The following DLG2 variants were observed in gnomAD, a reference collection of about 807,000 sequenced individuals.
The protein encoded by DLG2 is disks large homolog 2.
DLG2 carries 45 observed loss-of-function variants against 132.5 expected under a neutral mutation model. The ratio of observed to expected loss-of-function variants is 0.34; its 90% CI spans 0.27 to 0.44. The LOEUF is 0.44. Among genes scored for constraint, DLG2 ranks in the 20% least tolerant of loss-of-function variants. DLG2 has a pLI of 1.00. For missense variants in DLG2, 1,045 were observed against 1,196.9 expected (o/e 0.87, Z 1.87); for synonymous variants, 424 against 419.6 (o/e 1.01, Z -0.13).
At chr11:83,794,682 G>A (rs2042367216) in intron 17 of DLG2, among the ~76,000 whole-genome samples, 1 of 152,008 alleles carries the variant, frequency 6.6e-6, no homozygotes, top group African/African-American at 2.4e-5. Context: ...ATCCTCAGGA[G>A]GGTGGGATTA....
At chr11:85,582,979 T>C (rs1010531576) in intron 3 of DLG2, among the ~76,000 whole-genome samples, 1 of 146,846 alleles carries the variant, frequency 6.8e-6, no homozygotes, top group Non-Finnish European at 1.5e-5. Context: ...TGTGAAGGCT[T>C]ATTGTTTTGA....
intron 21 of DLG2, among the ~76,000 whole-genome samples, chr11:83,487,654 T>C (rs188083565): frequency 6.6e-6 from 1 of 152,216 alleles, no homozygotes; most frequent in East Asian, 1.9e-4. Flanking sequence ...CAGTGTGTTC[T>C]TCCCACAGCT....
At chr11:85,523,999 A>G (rs1378403257) in intron 3 of DLG2, among the ~76,000 whole-genome samples, 2 of 152,220 alleles carry the variant, frequency 1.3e-5, no homozygotes, top group Non-Finnish European at 2.9e-5. Context: ...ACCACTTTGC[A>G]TGTTCTCATT....
chr11:84,161,395 C>G (rs1191106244), intron 9 of DLG2, among the ~76,000 whole-genome samples: 1 of 152,048 alleles, frequency 6.6e-6, no homozygotes, highest in African/African-American at 2.4e-5. Context: ...ATGATATGAA[C>G]AGAAGGGAGG....
chr11:85,177,104 A>C (rs548582577), intron 4 of DLG2, among the ~76,000 whole-genome samples: 1 of 152,176 alleles, frequency 6.6e-6, no homozygotes, highest in East Asian at 1.9e-4. Flanking sequence ...CCCATTACTG[A>C]GTATATACCC....
At chr11:84,335,160 CAAAAAAA>C (rs58944265) in intron 7 of DLG2, among the ~76,000 whole-genome samples, 2 of 62,666 alleles carry the variant, frequency 3.2e-5, no homozygotes, top group South Asian at 1.1e-3. Context: ...ATAAAGAAAG[CAAAAAAA>C]AAAAAAAAAA....
chr11:84,200,620 C>A (rs986589469), intron 8 of DLG2, among the ~76,000 whole-genome samples: 2 of 152,136 alleles, frequency 1.3e-5, no homozygotes, highest in African/African-American at 4.8e-5. Context: ...TCTCTGATTT[C>A]TTTGAGCAGT....
intron 7 of DLG2, among the ~76,000 whole-genome samples, chr11:84,377,665 T>G (rs2098734655): frequency 6.6e-6 from 1 of 152,188 alleles, no homozygotes; most frequent in Non-Finnish European, 1.5e-5. Flanking sequence ...GAGGGTACAT[T>G]ACATCGTATC....
At chr11:84,352,723 C>T (rs887221442) in intron 7 of DLG2, among the ~76,000 whole-genome samples, 2 of 152,080 alleles carry the variant, frequency 1.3e-5, no homozygotes, top group South Asian at 2.1e-4. Flanking sequence ...GTAATATTCC[C>T]CGAAATTCTG....
intron 21 of DLG2, among the ~76,000 whole-genome samples, chr11:83,497,195 A>T (rs1432714589): frequency 6.6e-6 from 1 of 152,218 alleles, no homozygotes; most frequent in African/African-American, 2.4e-5. Flanking sequence ...AACAAAACAA[A>T]CACAACAAAA....
chr11:85,317,396 T>C (rs536664337), intron 3 of DLG2, among the ~76,000 whole-genome samples: 41 of 151,964 alleles, frequency 2.7e-4, no homozygotes, highest in Middle Eastern at 3.4e-3. Flanking sequence ...CCTCATGATA[T>C]AATTTTATGC....
intron 6 of DLG2, among the ~76,000 whole-genome samples, chr11:84,645,986 T>C (rs2099674457): frequency 6.6e-6 from 1 of 152,216 alleles, no homozygotes; most frequent in Non-Finnish European, 1.5e-5. Context: ...ACAATGATGA[T>C]GGTGTGAGAT....
At chr11:85,473,252 C>T (rs2153079184) in intron 3 of DLG2, among the ~76,000 whole-genome samples, 2 of 152,320 alleles carry the variant, frequency 1.3e-5, no homozygotes, top group Middle Eastern at 6.8e-3. Flanking sequence ...GCTCAGTCAT[C>T]CTGAGTGAAA....
chr11:84,296,129 A>G (rs183182346), intron 7 of DLG2, among the ~76,000 whole-genome samples: 74 of 152,340 alleles, frequency 4.9e-4, no homozygotes, highest in African/African-American at 1.8e-3. Context: ...CGAAAACACA[A>G]CTTGTTTATT....
At chr11:84,541,414 A>G (rs1276379597) in intron 6 of DLG2, among the ~76,000 whole-genome samples, 1 of 152,036 alleles carries the variant, frequency 6.6e-6, no homozygotes, top group African/African-American at 2.4e-5. Flanking sequence ...TCCTTCATCA[A>G]GCAAACTTTT....
chr11:85,389,615 T>A (rs1463697637), intron 3 of DLG2, among the ~76,000 whole-genome samples: 1 of 152,044 alleles, frequency 6.6e-6, no homozygotes, highest in African/African-American at 2.4e-5. Context: ...GACAAAATCA[T>A]CAGGTAATGT....
At chr11:85,101,810 T>C (rs987541851) in intron 6 of DLG2, among the ~76,000 whole-genome samples, 2 of 152,078 alleles carry the variant, frequency 1.3e-5, no homozygotes, top group Non-Finnish European at 2.9e-5. Context: ...AGCAGAAAGA[T>C]AGAGCTTAGC....
intron 19 of DLG2, among the ~76,000 whole-genome samples, chr11:83,596,320 C>T (rs1055155527): frequency 2.6e-5 from 4 of 152,152 alleles, no homozygotes; most frequent in African/African-American, 9.7e-5. Flanking sequence ...ATGACATAGC[C>T]GTGTATCCAA....
At chr11:84,691,435 T>C (rs967258655) in intron 6 of DLG2, among the ~76,000 whole-genome samples, 6 of 151,734 alleles carry the variant, frequency 4.0e-5, no homozygotes, top group African/African-American at 1.5e-4. Flanking sequence ...GTTAAATAAA[T>C]GAAAAATCAG....
Sources: gnomAD v4.1 joint callset for allele counts (sites outside exome capture counted in the v4.1 genomes callset) on GRCh38, gnomAD v4.1.1 for gene constraint, MANE v1.5 for transcripts, NCBI Gene and HGNC (gene_info 2026-07-23, HGNC 2026-07-21) for gene names.